Variants in PID1 observed in about 807,000 individuals in gnomAD.
PID1 encodes phosphotyrosine interaction domain containing 1.
In PID1, 10 loss-of-function variants were observed where a neutral mutation model predicts 19.1. The ratio of observed to expected loss-of-function variants is 0.52; its 90% CI spans 0.32 to 0.89. The LOEUF is 0.89. Among genes scored for constraint, PID1 ranks in the 40% least tolerant of loss-of-function variants. The pLI, the probability that PID1 is intolerant of heterozygous loss-of-function variation, is 0.03. For synonymous variants in PID1, 130 were observed against 116.0 expected (o/e 1.12, Z -0.78); for missense variants, 248 against 285.3 (o/e 0.87, Z 0.94).
At chr2:229,217,861 A>T (rs1691881500) in intron 1 of PID1, among the ~76,000 whole-genome samples, 1 of 152,060 alleles carries the variant, frequency 6.6e-6, no homozygotes. Context: ...TCTTCTCCTC[A>T]CGCACCCTCC....
At chr2:229,213,097 A>T (rs1446095356) in intron 1 of PID1, among the ~76,000 whole-genome samples, 1 of 152,200 alleles carries the variant, frequency 6.6e-6, no homozygotes, top group Non-Finnish European at 1.5e-5. Flanking sequence ...GGAGTTGAGG[A>T]ACAGGTCAGG....
intron 2 of PID1, among the ~76,000 whole-genome samples, chr2:229,114,965 T>A (rs1229911335): frequency 6.6e-6 from 1 of 152,006 alleles, no homozygotes; most frequent in East Asian, 1.9e-4. Context: ...CCAGATCGTT[T>A]TTCACATGTT....
chr2:229,212,508 G>C (rs1408272183), intron 1 of PID1, among the ~76,000 whole-genome samples: 1 of 152,222 alleles, frequency 6.6e-6, no homozygotes, highest in Non-Finnish European at 1.5e-5. Context: ...AGAGCTGAAA[G>C]GGCAGCTGGA....
At chr2:229,237,516 GA>G (rs907161405) in intron 1 of PID1, among the ~76,000 whole-genome samples, 1 of 150,074 alleles carries the variant, frequency 6.7e-6, no homozygotes, top group South Asian at 2.1e-4. Context: ...TTGTACAACA[GA>G]AAAAAAAAGG....
At chr2:229,181,359 G>A (rs1015558561) in intron 1 of PID1, among the ~76,000 whole-genome samples, 1 of 151,640 alleles carries the variant, frequency 6.6e-6, no homozygotes, top group African/African-American at 2.4e-5. Context: ...AATCCAAAAA[G>A]GTGAACAGCA....
chr2:229,194,980 C>T lies in PID1; in HGVS notation c.31-39016G>A, dbSNP rs537498097. ...TACGAAGCAGTTTAATATATCTTTG[C>T]GGATTTTTTCTTTGTTTTTAGTTTA... On this transcript the variant is annotated intron_variant, in intron 1 of 2. Transcript: ENST00000392055. Among the ~76,000 whole-genome samples the T allele has an allele frequency of 1.8e-3, 268 of 151,812 alleles. 2 individuals are homozygous for T. Among genetic ancestry groups the T allele is most frequent in the African/African-American group, 5.9e-3 (245 of 41,486 alleles).
intron 2 of PID1, among the ~76,000 whole-genome samples, chr2:229,049,437 T>C (rs150535772): frequency 3.3e-5 from 5 of 152,264 alleles, no homozygotes; most frequent in African/African-American, 9.6e-5. Context: ...AGAATAATGA[T>C]AAATAAATAA....
At chr2:229,180,323 A>G (rs116697747) in intron 1 of PID1, among the ~76,000 whole-genome samples, 2,241 of 152,330 alleles carry the variant, frequency 0.015, 43 homozygotes, top group African/African-American at 0.05. Context: ...TCTAAAGTGC[A>G]TATCTGTATG....
intron 2 of PID1, among the ~76,000 whole-genome samples, chr2:229,098,852 C>G (rs553426174): frequency 1.2e-4 from 18 of 152,324 alleles, no homozygotes; most frequent in Admixed American, 1.2e-3. Flanking sequence ...GAGCAATCTG[C>G]TCTCGCCACG....
Position 229,112,851 on chromosome 2 carries a change from T to A in PID1, c.177+42967A>T, listed in dbSNP as rs567055150. On this transcript the variant is annotated intron_variant, in intron 2 of 2. Transcript: ENST00000392055. ...TGAAAACCCTACACCTGATGGGGAA[T>A]GACAAAACCCTAAAATCAGCTCACA... 5.3e-5 allele frequency among the ~76,000 whole-genome samples: 8 copies of A among 152,214 alleles called. No homozygotes were observed. The South Asian group carries it at 1.5e-3, about 28-fold the overall frequency.
intron 2 of PID1, among the ~76,000 whole-genome samples, chr2:229,028,669 T>C (rs1362294502): frequency 6.6e-6 from 1 of 152,162 alleles, no homozygotes; most frequent in African/African-American, 2.4e-5. Flanking sequence ...ACACCATGTA[T>C]AAATACTACG....
chr2:229,221,872 T>G (rs943355032), intron 1 of PID1, among the ~76,000 whole-genome samples: 5 of 152,172 alleles, frequency 3.3e-5, no homozygotes, highest in Non-Finnish European at 7.3e-5. Flanking sequence ...CCCTCCTTCC[T>G]TTCCCACATG....
chr2:229,147,234 G>A (rs1483844762), intron 2 of PID1, among the ~76,000 whole-genome samples: 3 of 152,104 alleles, frequency 2.0e-5, no homozygotes, highest in Non-Finnish European at 4.4e-5. Context: ...CTAAGTTACC[G>A]ACTTGCAGCT....
chr2:229,143,941 A>C (rs1467500438), intron 2 of PID1, among the ~76,000 whole-genome samples: 2 of 152,140 alleles, frequency 1.3e-5, no homozygotes, highest in African/African-American at 4.8e-5. Context: ...TCCTTATAGC[A>C]GTGTGAAAAT....
chr2:229,069,160 T>C (rs2106200415), intron 2 of PID1, among the ~76,000 whole-genome samples: 1 of 151,748 alleles, frequency 6.6e-6, no homozygotes, highest in South Asian at 2.1e-4. Flanking sequence ...TGTGTGTGTG[T>C]GTGTGTGTGT....
At chr2:229,113,689 G>T (rs1225074488) in intron 2 of PID1, among the ~76,000 whole-genome samples, 1 of 150,842 alleles carries the variant, frequency 6.6e-6, no homozygotes. Context: ...ATAACCTGAG[G>T]GTAATAATGG....
At chr2:229,125,866 G>A (rs1265114348) in intron 2 of PID1, among the ~76,000 whole-genome samples, 1 of 152,130 alleles carries the variant, frequency 6.6e-6, no homozygotes, top group Non-Finnish European at 1.5e-5. Flanking sequence ...TTTCTCCATT[G>A]AAGAAAATTG....
intron 1 of PID1, among the ~76,000 whole-genome samples, chr2:229,236,809 T>C (rs1311951011): frequency 1.3e-5 from 2 of 152,026 alleles, no homozygotes; most frequent in Non-Finnish European, 2.9e-5. Context: ...CAGAGCAGGG[T>C]AGGCAAACTA....
At chr2:229,147,865 G>T (rs748783076) in intron 2 of PID1, among the ~76,000 whole-genome samples, 5 of 152,116 alleles carry the variant, frequency 3.3e-5, no homozygotes, top group Non-Finnish European at 7.4e-5. Context: ...ATAGTAAAAG[G>T]ACCACGATTT....
Sources: gnomAD v4.1 joint callset for allele counts (sites outside exome capture counted in the v4.1 genomes callset) on GRCh38, gnomAD v4.1.1 for gene constraint, MANE v1.5 for transcripts, NCBI Gene and HGNC (gene_info 2026-07-23, HGNC 2026-07-21) for gene names.